Variants in CFAP44 observed in about 807,000 individuals in gnomAD.
CFAP44 encodes the protein cilia- and flagella-associated protein 44.
CFAP44 carries 134 observed loss-of-function variants against 216.2 expected under a neutral mutation model. The observed-to-expected ratio is 0.62, with a 90% CI of 0.54 to 0.72. The LOEUF is 0.72. Among genes scored for constraint, CFAP44 ranks in the 30% least tolerant of loss-of-function variants. The probability of loss-of-function intolerance (pLI) is 0.00; values close to 1 mark genes in which losing one functional copy is unlikely to be tolerated. For synonymous variants in CFAP44, 700 were observed against 727.6 expected (o/e 0.96, Z 0.61); for missense variants, 2,035 against 2,182.1 (o/e 0.93, Z 1.34).
In CFAP44 at chr3:113,400,636, G is replaced by A; in HGVS notation, c.1383C>T (p.Asp461=). 1 of 1,609,682 alleles carries A rather than the reference G, an allele frequency of 6.2e-7. No individual in the cohort carries two copies. Among genetic ancestry groups the A allele is most frequent in the Non-Finnish European group, 8.5e-7 (1 of 1,177,964 alleles). The change falls in exon 12 of 35, where the codon GAC becomes GAT. Residue 461 remains aspartate, a synonymous_variant. Transcript: ENST00000393845. Reference sequence around the variant, plus strand: ...AATGGAAGGAGAAGAGGCATTCTGGGTCCTGGGTCTGAGAATAGATAGACA... The same window carrying A: ...AATGGAAGGAGAAGAGGCATTCTGGATCCTGGGTCTGAGAATAGATAGACA... ...LDLSFSNITQ[D]PECLFSFHSG...
intron 13 of CFAP44, among the ~76,000 whole-genome samples, chr3:113,398,632 T>C (rs1394106576): frequency 2.6e-5 from 4 of 152,174 alleles, no homozygotes; most frequent in East Asian, 1.9e-4. Context: ...CATTTCTACT[T>C]ACTCTAGCCT....
At chr3:113,375,530 C>T (rs1474134872) in intron 17 of CFAP44, among the ~76,000 whole-genome samples, 1 of 151,812 alleles carries the variant, frequency 6.6e-6, no homozygotes, top group Admixed American at 6.6e-5. Flanking sequence ...AGTTGGGGTC[C>T]CAGAACAAGA....
At chr3:113,363,028 A>G in intron 21 of CFAP44, 117 bp downstream of exon 21, 3 of 1,391,470 alleles carry the variant, frequency 2.2e-6, no homozygotes, top group Non-Finnish European at 2.8e-6. Context: ...TGAAATTTTG[A>G]AAGAAACAAA....
intron 3 of CFAP44, 151 bp from the exon 4 acceptor site, chr3:113,426,428 C>T: frequency 1.3e-6 from 1 of 766,568 alleles, no homozygotes; most frequent in Non-Finnish European, 2.0e-6. Flanking sequence ...TACCTCCATG[C>T]TGTTCTCATG....
At chr3:113,351,821 G>T (rs1950447905) in intron 22 of CFAP44, among the ~76,000 whole-genome samples, 1 of 152,114 alleles carries the variant, frequency 6.6e-6, no homozygotes, top group South Asian at 2.1e-4. Flanking sequence ...TGTCAAATTT[G>T]TTTCCTCCAG....
chr3:113,329,200 A>G (rs1416312353), intron 26 of CFAP44, among the ~76,000 whole-genome samples: 1 of 152,218 alleles, frequency 6.6e-6, no homozygotes, highest in Non-Finnish European at 1.5e-5. Flanking sequence ...AGTGTAAAAC[A>G]TGAGATGCTT....
At position 113,366,266 on chromosome 3, in the gene CFAP44, T is replaced by C; in HGVS notation, c.2488A>G (p.Ile830Val). Reference protein sequence around the residue: ...MMFCGMKNGAIRVYVLNQNDP... With the variant: ...MMFCGMKNGAVRVYVLNQNDP... ...TTTTGATTTAGGACATAGACTCGAATTGCTCCATTTTTCATTCCACAAAAC... is the reference window on the plus strand; with the variant it reads ...TTTTGATTTAGGACATAGACTCGAACTGCTCCATTTTTCATTCCACAAAAC... The change falls in exon 19 of 35, where the codon ATT (isoleucine) becomes GTT (valine). Residue 830 changes from isoleucine to valine, a missense_variant. Ile to Val is a conservative substitution (Grantham distance 29). This residue lies in a region of CFAP44 where 1,883 missense variants were observed against 2,023.7 expected (regional missense o/e 0.93). Transcript: ENST00000393845. 1.2e-6 allele frequency: 2 copies of C among 1,611,058 alleles called. No individual in the cohort carries two copies. Among genetic ancestry groups the C allele is most frequent in the Admixed American group, 1.7e-5 (1 of 59,904 alleles).
rs200920984 is a variant in CFAP44 at position 113,408,863 on chromosome 3, CAAA to C, written c.890+240_890+242del. Among the ~76,000 whole-genome samples, 268 of 66,360 alleles carry C rather than the reference CAAA, an allele frequency of 4.0e-3. 2 individuals carry two copies. The highest frequency in any genetic ancestry group is 9.0e-3 in the African/African-American group (205 of 22,762). 43.5% of individuals were successfully genotyped at this position (66,360 alleles called of 152,430 possible). On this transcript the variant is annotated intron_variant, in intron 7 of 34. Coordinates refer to ENST00000393845, the MANE Select transcript of CFAP44 (RefSeq NM_001164496.2). ...GGGCAACAAAAGCGAAACTCCATTT[CAAA>C]AAAAAAAAAAAAAAAAGCCCTTATT...
chr3:113,408,641 G>A (rs1170669758), intron 7 of CFAP44, among the ~76,000 whole-genome samples: 1 of 152,138 alleles, frequency 6.6e-6, no homozygotes, highest in East Asian at 1.9e-4. Flanking sequence ...GAGGCGGGTG[G>A]ATCACATGAG....
At chr3:113,307,312 T>C (rs953293244) in intron 29 of CFAP44, among the ~76,000 whole-genome samples, 43 of 152,344 alleles carry the variant, frequency 2.8e-4, no homozygotes, top group African/African-American at 1.0e-3. Flanking sequence ...CTACATAACT[T>C]ATAACTCTGA....
intron 15 of CFAP44, among the ~76,000 whole-genome samples, chr3:113,393,759 C>T (rs1933915192): frequency 6.6e-6 from 1 of 152,222 alleles, no homozygotes; most frequent in Non-Finnish European, 1.5e-5. Context: ...AAGTGATCTA[C>T]TTGCCTTGGC....
intron 16 of CFAP44, among the ~76,000 whole-genome samples, chr3:113,380,091 G>A (rs1933465698): frequency 6.6e-6 from 1 of 152,008 alleles, no homozygotes; most frequent in Admixed American, 6.6e-5. Context: ...CAATGTGCAG[G>A]TTAGTTACAT....
Position 113,396,597 on chromosome 3 carries a change from A to G in CFAP44, c.1700T>C (p.Leu567Ser). The G allele has an allele frequency of 6.2e-7, 1 of 1,614,148 alleles. No homozygotes were observed. The highest frequency in any genetic ancestry group is 8.5e-7 in the Non-Finnish European group (1 of 1,180,008). Residue 567 changes from leucine (L) to serine (S), a missense_variant, in exon 14 of 35, where the codon TTG becomes TCG. By Grantham distance (145) the Leu-to-Ser change is moderately radical. This residue lies in a region of CFAP44 where 1,883 missense variants were observed against 2,023.7 expected (regional missense o/e 0.93). Transcript: ENST00000393845. ...AGTATGGGGTTTGAAAACCTGTTTC[A>G]ACTGAATATCAGCATCCAAAATTTT... is the stretch of plus-strand genomic sequence containing the variant. ...RKKILDADIQ[L>S]KQVFKPHTAC...
chr3:113,414,603 A>G (rs960211847), intron 6 of CFAP44, among the ~76,000 whole-genome samples: 1 of 152,244 alleles, frequency 6.6e-6, no homozygotes, highest in African/African-American at 2.4e-5. Context: ...CCTTTTCTGC[A>G]TCTATTGAGA....
rs1950582065 is a variant in CFAP44 at position 113,365,852 on chromosome 3, G to T, written c.2715+187C>A. Among the ~76,000 whole-genome samples, 4 of 151,798 alleles carry T rather than the reference G, an allele frequency of 2.6e-5. No individual in the cohort carries two copies. In the South Asian group the frequency reaches 8.3e-4, roughly 32 times the overall value. On this transcript the variant is annotated intron_variant, in intron 19 of 34. Transcript: ENST00000393845. ...GGAATTCCAATCTTTAATAATAAGG[G>T]GAATGTAATACCTTTAATATTTGAT...
At chr3:113,409,463 T>A (rs531079845) in intron 6 of CFAP44, 141 bp from the exon 7 acceptor site, 1 of 704,530 alleles carries the variant, frequency 1.4e-6, no homozygotes, top group East Asian at 2.7e-5. Context: ...TCCAAAAACA[T>A]TCTCCATCTT....
chr3:113,371,383 T>C (rs1332499969), intron 18 of CFAP44, among the ~76,000 whole-genome samples: 6 of 152,008 alleles, frequency 3.9e-5, no homozygotes, highest in Non-Finnish European at 8.8e-5. Flanking sequence ...AAAACAGATA[T>C]ACAGACCAAT....
At position 113,434,276 on chromosome 3, in the gene CFAP44, G is replaced by A. The variant is rs533719250; in HGVS notation, c.-5-607C>T. ...GCCTAAAACATGATGGGGGGTTAGA[G>A]AAGAGGTGTTTGAGACATGGATGAT... is the stretch of plus-strand genomic sequence containing the variant. On this transcript the variant is annotated intron_variant, in intron 1 of 34. Transcript: ENST00000393845. Among the ~76,000 whole-genome samples, 11 of 152,302 alleles carry A rather than the reference G, an allele frequency of 7.2e-5. No homozygotes were observed. The South Asian group carries it at 2.1e-3, about 29-fold the overall frequency.
intron 32 of CFAP44, among the ~76,000 whole-genome samples, chr3:113,302,164 A>G (rs1430324620): frequency 6.6e-6 from 1 of 152,040 alleles, no homozygotes; most frequent in Non-Finnish European, 1.5e-5. Flanking sequence ...TTCTTTAGCC[A>G]CTCATCTGTT....
Sources: allele counts gnomAD v4.1 joint callset (sites outside exome capture counted in the v4.1 genomes callset), GRCh38; gene constraint gnomAD v4.1.1; regional missense constraint gnomAD v4.1.1; transcripts MANE v1.5; gene names NCBI Gene and HGNC (gene_info 2026-07-23, HGNC 2026-07-21).